The following DNM3 variants were observed in gnomAD, a reference collection of about 807,000 sequenced individuals.
DNM3 encodes the protein dynamin-3.
DNM3 carries 47 observed loss-of-function variants against 101.6 expected under a neutral mutation model. The observed-to-expected ratio is 0.46, with a 90% CI of 0.37 to 0.59. The LOEUF is 0.59. DNM3 is among the 20% of genes least tolerant of loss of function. The pLI is 0.00. For synonymous variants in DNM3, 385 were observed against 387.9 expected, an observed-to-expected ratio of 0.99 and a Z score of 0.09; for missense variants, 849 against 1,085.7, an observed-to-expected ratio of 0.78 and a Z score of 3.06.
chr1:172,133,192 A>G, intron 14 of DNM3: 1 of 1,267,414 alleles, frequency 7.9e-7, no homozygotes, highest in Non-Finnish European at 9.9e-7. Context: ...GTGAGTCCTG[A>G]AAATAAGCCC....
intron 4 of DNM3, among the ~76,000 whole-genome samples, chr1:172,013,530 A>G (rs2047256700): frequency 6.6e-6 from 1 of 152,044 alleles, no homozygotes; most frequent in African/African-American, 2.4e-5. Flanking sequence ...GGTAGGGAAA[A>G]TCGAAATATA....
rs561407046 is a variant in DNM3, at chr1:172,208,646, A to G, written c.1660-44927A>G. Among the ~76,000 whole-genome samples, 20 of 152,136 alleles carry G rather than the reference A, an allele frequency of 1.3e-4. 1 individual carries two copies. The highest frequency in any genetic ancestry group is 9.2e-4 in the Admixed American group (14 of 15,238). ...AAATTCATTAAAATAAGCTATTTCT[A>G]CATACCCTATTTGCTTTCTAGAAAG... On this transcript the variant is annotated intron_variant, in intron 14 of 20. Transcript: ENST00000627582.
chr1:172,298,161 T>A (rs2064256447), intron 15 of DNM3, among the ~76,000 whole-genome samples: 1 of 152,180 alleles, frequency 6.6e-6, no homozygotes. Flanking sequence ...CCTCTTCAAG[T>A]CCTTATTTTC....
intron 20 of DNM3, chr1:172,393,387 A>G (rs149149247): frequency 6.6e-6 from 1 of 152,394 alleles, no homozygotes; most frequent in East Asian, 1.9e-4. Context: ...CAGTCCCCCA[A>G]ATTTTGCATG....
chr1:172,015,923 C>T (rs1359870776), intron 4 of DNM3, among the ~76,000 whole-genome samples: 1 of 151,956 alleles, frequency 6.6e-6, no homozygotes. Context: ...TGCCTGTAAT[C>T]CCAGCACTTT....
At chr1:172,121,124 TC>T (rs1479217679) in intron 13 of DNM3, among the ~76,000 whole-genome samples, 2 of 152,216 alleles carry the variant, frequency 1.3e-5, no homozygotes, top group Non-Finnish European at 2.9e-5. Context: ...TAGTTCTCAT[TC>T]TGTTTTGTAT....
downstream of DNM3, among the ~76,000 whole-genome samples, chr1:172,413,709 A>C (rs557286569): frequency 6.6e-6 from 1 of 152,348 alleles, no homozygotes; most frequent in Non-Finnish European, 1.5e-5. Context: ...AGAAGGTGAT[A>C]GGAGGAGAGA....
In DNM3 at chr1:171,913,807, TAGAC is replaced by T. The variant is rs2039495099; in HGVS notation, c.162-7937_162-7934del. On this transcript the variant is annotated intron_variant, in intron 1 of 20. Coordinates refer to ENST00000627582, the MANE Select transcript of DNM3 (RefSeq NM_015569.5). ...TATTTTGGTGCACAGATTTTTTTTT[TAGAC>T]AGAGTTTCACTCTGTCACCCAGGCT... Among the ~76,000 whole-genome samples, 2 of 152,086 alleles carry T rather than the reference TAGAC, an allele frequency of 1.3e-5. 1 individual carries two copies. The highest frequency in any genetic ancestry group is 4.2e-4 in the South Asian group (2 of 4,808).
intron 19 of DNM3, among the ~76,000 whole-genome samples, chr1:172,388,242 A>G (rs1378571274): frequency 6.6e-6 from 1 of 152,154 alleles, no homozygotes; most frequent in Non-Finnish European, 1.5e-5. Context: ...TCAAAGAAAA[A>G]AAAAAGGAGG....
intron 12 of DNM3, 60 bp from the exon 13 acceptor site, chr1:172,092,764 A>G (rs899042760): frequency 1.3e-6 from 2 of 1,482,566 alleles, no homozygotes; most frequent in East Asian, 5.0e-5. Flanking sequence ...AGTATTTGTT[A>G]CTTGTTTAGG....
At chr1:172,043,732 A>T (rs913111708) in intron 8 of DNM3, among the ~76,000 whole-genome samples, 2 of 152,108 alleles carry the variant, frequency 1.3e-5, no homozygotes, top group Non-Finnish European at 2.9e-5. Context: ...AGGGGAGGAA[A>T]TGGACAGACA....
chr1:172,048,780 C>T lies in DNM3; in HGVS notation c.1335+30C>T, dbSNP rs746703019. 1.1e-5 allele frequency: 18 copies of T among 1,604,722 alleles called. No homozygotes were observed. In the South Asian group the frequency reaches 1.2e-4, roughly 11 times the overall value. On this transcript the variant is annotated intron_variant, in intron 10 of 20. Transcript: ENST00000627582. ...GTTCGAATTATTTAACTTTCCAGTA[C>T]GTGGCTTTGGTTTATCAACATTCCC...
At chr1:172,366,487 T>A (rs2068027259) in intron 17 of DNM3, 1 of 151,898 alleles carries the variant, frequency 6.6e-6, no homozygotes, top group South Asian at 2.1e-4. Context: ...TAAGTTAATA[T>A]CAGAACCTAG....
chr1:172,071,119 A>ATATATATATATATC (rs1553362100), intron 11 of DNM3, among the ~76,000 whole-genome samples: 1 of 125,148 alleles, frequency 8.0e-6, no homozygotes, highest in African/African-American at 3.1e-5. Flanking sequence ...ATATATATAT[A>ATATATATATATATC]TCTTAGTTCT....
In DNM3 at chr1:172,347,654, G is replaced by A. The variant is rs116770986; in HGVS notation, c.1893+24314G>A. On this transcript the variant is annotated intron_variant, in intron 17 of 20. Transcript: ENST00000627582. ...TAAAGTCCAAGCCAGAATAAAATCC[G>A]AAAGAAAAGGATTGAGATCACAGAT... Among the ~76,000 whole-genome samples, 1,454 of 152,204 alleles carry A rather than the reference G, an allele frequency of 9.6e-3. 30 individuals carry two copies. The highest frequency in any genetic ancestry group is 0.033 in the African/African-American group (1,366 of 41,532).
chr1:172,177,279 C>A (rs1167797687), intron 14 of DNM3, among the ~76,000 whole-genome samples: 1 of 151,566 alleles, frequency 6.6e-6, no homozygotes, highest in Non-Finnish European at 1.5e-5. Flanking sequence ...GAGAGAGACA[C>A]CACATTCACG....
At chr1:171,920,945 A>T (rs2040109719) in intron 1 of DNM3, among the ~76,000 whole-genome samples, 1 of 152,030 alleles carries the variant, frequency 6.6e-6, no homozygotes, top group African/African-American at 2.4e-5. Flanking sequence ...TTTTTTTTAG[A>T]CAAGAGTCTC....
chr1:172,058,522 G>A (rs1238595314), intron 10 of DNM3, among the ~76,000 whole-genome samples: 2 of 151,960 alleles, frequency 1.3e-5, no homozygotes, highest in Non-Finnish European at 2.9e-5. Context: ...AATCAAATTA[G>A]AACTCAGGAT....
At chr1:171,978,255 G>GA (rs954328673) in intron 2 of DNM3, among the ~76,000 whole-genome samples, 159 of 152,232 alleles carry the variant, frequency 1.0e-3, no homozygotes, top group African/African-American at 3.4e-3. Context: ...GAAAAAAACT[G>GA]GGCAATGTAA....
Sources: allele counts gnomAD v4.1 joint callset (sites outside exome capture counted in the v4.1 genomes callset), GRCh38; gene constraint gnomAD v4.1.1; transcripts MANE v1.5; gene names NCBI Gene and HGNC (gene_info 2026-07-23, HGNC 2026-07-21).